Variants in RGS6 observed in about 807,000 individuals in gnomAD.
RGS6 encodes the protein regulator of G-protein signaling 6.
RGS6 carries 30 observed loss-of-function variants against 78.5 expected under a neutral mutation model. That is an observed-to-expected ratio of 0.38 (90% confidence interval 0.29 to 0.52). RGS6 has a LOEUF of 0.52. Among genes scored for constraint, RGS6 ranks in the 20% least tolerant of loss-of-function variants. The pLI is 0.85. For synonymous variants in RGS6, 206 were observed against 206.0 expected (o/e 1.00, Z 0.00); for missense variants, 495 against 609.7 (o/e 0.81, Z 1.98).
intron 3 of RGS6, among the ~76,000 whole-genome samples, chr14:72,410,960 T>G (rs1271318549): frequency 6.6e-6 from 1 of 152,234 alleles, no homozygotes; most frequent in Non-Finnish European, 1.5e-5. Context: ...CATGCTGTTT[T>G]GGTTACTGTA....
chr14:72,465,658 A>G, intron 6 of RGS6, 100 bp from the exon 7 acceptor site: 3 of 761,510 alleles, frequency 3.9e-6, no homozygotes, highest in Non-Finnish European at 6.8e-6. Context: ...GGATGGATGG[A>G]TGGGTGAATG....
Position 72,052,373 on chromosome 14 carries a change from C to T in RGS6, c.84+87498C>T, listed in dbSNP as rs1016222492. Among the ~76,000 whole-genome samples the T allele has an allele frequency of 5.3e-5, 8 of 152,314 alleles. No individual in the cohort carries two copies. The East Asian group carries it at 1.5e-3, about 29-fold the overall frequency. On this transcript the variant is annotated intron_variant, in intron 2 of 17. Transcript: ENST00000553525. ...ACATAAGTGGTAGCAGGTCCTTACT[C>T]TCATCCCCCCTCCCACTTTTCATAA... is the stretch of plus-strand genomic sequence containing the variant.
chr14:72,354,119 C>T (rs2079713179), intron 3 of RGS6, among the ~76,000 whole-genome samples: 2 of 152,166 alleles, frequency 1.3e-5, no homozygotes, highest in Admixed American at 1.3e-4. Flanking sequence ...ATTATTGAGA[C>T]TGTCACTCTT....
At chr14:72,476,956 A>G (rs1339646242) in intron 11 of RGS6, 116 bp downstream of exon 11, 1 of 853,166 alleles carries the variant, frequency 1.2e-6, no homozygotes, top group Non-Finnish European at 1.9e-6. Flanking sequence ...CCACAGTGGA[A>G]CCCAGCTGTG....
chr14:72,119,420 T>C (rs1454658275), intron 2 of RGS6, among the ~76,000 whole-genome samples: 1 of 152,152 alleles, frequency 6.6e-6, no homozygotes. Flanking sequence ...CTAGTGGTAG[T>C]TTTGTTGGGG....
the RGS6 span, among the ~76,000 whole-genome samples, chr14:72,597,909 A>G: frequency 6.6e-6 from 1 of 151,704 alleles, no homozygotes; most frequent in Non-Finnish European, 1.5e-5. Context: ...AGCTCTCCAC[A>G]CCCTCCTTTC....
chr14:71,986,292 T>C (rs1824644001), intron 2 of RGS6, among the ~76,000 whole-genome samples: 1 of 152,226 alleles, frequency 6.6e-6, no homozygotes, highest in South Asian at 2.1e-4. Context: ...GGCTTAGATG[T>C]AATGAGATTC....
intron 2 of RGS6, among the ~76,000 whole-genome samples, chr14:72,234,998 T>A (rs1029787713): frequency 2.0e-5 from 3 of 152,158 alleles, no homozygotes; most frequent in African/African-American, 7.2e-5. Flanking sequence ...CGTTTTACAA[T>A]TGAGTCAACT....
intron 2 of RGS6, among the ~76,000 whole-genome samples, chr14:72,296,344 A>G (rs2064823358): frequency 6.6e-6 from 1 of 152,194 alleles, no homozygotes; most frequent in Non-Finnish European, 1.5e-5. Flanking sequence ...TCATTTCTCT[A>G]GGATAAATGC....
the RGS6 span, among the ~76,000 whole-genome samples, chr14:71,869,174 A>G: frequency 4.6e-5 from 7 of 152,112 alleles, no homozygotes; most frequent in Non-Finnish European, 1.0e-4. Context: ...AGGTGTAAAA[A>G]CCTGCCTTGC....
rs548146662 is a variant in RGS6, at chr14:71,983,634, C to T, written c.84+18759C>T. Among the ~76,000 whole-genome samples, 86 of 152,296 alleles carry T rather than the reference C, an allele frequency of 5.6e-4. 1 individual carries two copies. The highest frequency in any genetic ancestry group is 2.0e-3 in the African/African-American group (84 of 41,570). ...TGCAGCAGCATCACCCTGGTCTTCG[C>T]CTTTGTCCTACCTCACCTTCCTCAT... On this transcript the variant is annotated intron_variant, in intron 2 of 17. Transcript: ENST00000553525.
rs1247712711 is a variant in RGS6 at position 72,562,483 on chromosome 14, G to A, written c.*16G>A. 4 of 1,611,642 alleles carry A rather than the reference G, an allele frequency of 2.5e-6. No individual in the cohort carries two copies. Among genetic ancestry groups the A allele is most frequent in the Non-Finnish European group, 3.4e-6 (4 of 1,180,006 alleles). The stretch of plus-strand genomic sequence containing the variant: ...GTCCTCCTGACCGTTCCTACCGCAG[G>A]TCCAGGGCCTGGGCCCGCGGACCCC... On this transcript the variant is annotated 3_prime_UTR_variant, in exon 18 of 18. Coordinates refer to ENST00000553525, the MANE Select transcript of RGS6 (RefSeq NM_001204424.2).
At chr14:72,582,833 G>A in the RGS6 span, among the ~76,000 whole-genome samples, 1 of 152,000 alleles carries the variant, frequency 6.6e-6, no homozygotes, top group Non-Finnish European at 1.5e-5. Flanking sequence ...TTGATTTTAG[G>A]TGTCAACTTG....
chr14:72,313,404 G>C (rs2069150247), intron 2 of RGS6, among the ~76,000 whole-genome samples: 1 of 152,230 alleles, frequency 6.6e-6, no homozygotes, highest in Non-Finnish European at 1.5e-5. Context: ...CATAGTGGCA[G>C]CTTGCCACTT....
intron 3 of RGS6, among the ~76,000 whole-genome samples, chr14:72,414,802 T>C (rs1254675732): frequency 6.6e-6 from 1 of 152,184 alleles, no homozygotes; most frequent in Non-Finnish European, 1.5e-5. Context: ...TCTGTTGGAG[T>C]TTGCTGGAGG....
intron 3 of RGS6, among the ~76,000 whole-genome samples, chr14:72,360,878 C>T (rs577490665): frequency 6.6e-6 from 1 of 151,964 alleles, no homozygotes; most frequent in African/African-American, 2.4e-5. Context: ...GTGATTGGAT[C>T]GTGGGGGTGG....
intron 3 of RGS6, among the ~76,000 whole-genome samples, chr14:72,423,776 A>G (rs1477364978): frequency 6.6e-6 from 1 of 152,222 alleles, no homozygotes; most frequent in Non-Finnish European, 1.5e-5. Flanking sequence ...AGCGACATGC[A>G]ATTTATACAT....
chr14:72,399,884 T>C (rs542615947), intron 3 of RGS6, among the ~76,000 whole-genome samples: 2 of 152,224 alleles, frequency 1.3e-5, no homozygotes, highest in Non-Finnish European at 2.9e-5. Flanking sequence ...AATATGGGAC[T>C]ATGTGTAAAG....
chr14:71,966,335 G>A (rs1240726546), intron 2 of RGS6, among the ~76,000 whole-genome samples: 2 of 152,144 alleles, frequency 1.3e-5, no homozygotes, highest in East Asian at 3.8e-4. Flanking sequence ...GTAAGATTCT[G>A]TAATTCTTTG....
Sources: allele counts gnomAD v4.1 joint callset (sites outside exome capture counted in the v4.1 genomes callset), GRCh38; gene constraint gnomAD v4.1.1; transcripts MANE v1.5; gene names NCBI Gene and HGNC (gene_info 2026-07-23, HGNC 2026-07-21).